The following TSPAN8 variants were observed in gnomAD, a reference collection of about 807,000 sequenced individuals.
TSPAN8 encodes the protein tetraspanin-8.
In TSPAN8, 21 loss-of-function variants were observed where a neutral mutation model predicts 32.8. The ratio of observed to expected loss-of-function variants is 0.64; its 90% CI spans 0.45 to 0.92. The LOEUF (loss-of-function observed/expected upper bound fraction) is 0.92, where lower values mean the gene tolerates loss of function less well. TSPAN8 is among the 40% of genes least tolerant of loss of function. The pLI, the probability that TSPAN8 is intolerant of heterozygous loss-of-function variation, is 0.00. For missense variants in TSPAN8, 269 were observed against 281.9 expected, an observed-to-expected ratio of 0.95 and a Z score of 0.33; for synonymous variants, 95 against 94.6, an observed-to-expected ratio of 1.00 and a Z score of -0.03.
At position 71,151,296 on chromosome 12, in the gene TSPAN8, C is replaced by G. The variant is rs950129740; in HGVS notation, c.60+6323G>C. Among the ~76,000 whole-genome samples, 4 of 152,142 alleles carry G rather than the reference C, an allele frequency of 2.6e-5. No homozygotes were observed. In the South Asian group the frequency reaches 8.3e-4, roughly 31 times the overall value. ...GCCGGGATGGTCTCGATCTCCTGAC[C>G]TTGTGATCCACCCACCTTGGCCTCC... is the stretch of plus-strand genomic sequence containing the variant. On this transcript the variant is annotated intron_variant, in intron 2 of 8. Transcript: ENST00000247829.
chr12:71,139,312 C>G (rs1379925416), intron 4 of TSPAN8: 1 of 453,750 alleles, frequency 2.2e-6, no homozygotes, highest in Non-Finnish European at 4.3e-6. Flanking sequence ...TCACTTCTGC[C>G]CTGGTTTGAA....
chr12:71,132,585 A>G (rs1871550313), intron 7 of TSPAN8, 108 bp downstream of exon 7: 2 of 1,300,432 alleles, frequency 1.5e-6, no homozygotes, highest in South Asian at 1.5e-5. Context: ...AGATTTTTAT[A>G]TCATGATTCC....
chr12:71,156,221 A>G (rs1872424412), intron 2 of TSPAN8, among the ~76,000 whole-genome samples: 1 of 140,360 alleles, frequency 7.1e-6, no homozygotes, highest in African/African-American at 2.7e-5. Context: ...TACCTATCCT[A>G]TCTTCTTTAG....
In TSPAN8 at chr12:71,125,355, A is replaced by T; in HGVS notation, c.693T>A (p.Tyr231Ter). 6.2e-7 allele frequency: 1 copy of T among 1,613,020 alleles called. No individual in the cohort carries two copies. Residue 231 changes from tyrosine to a stop codon, truncating the protein, a stop_gained, in exon 9 of 9, where the codon TAT becomes TAA. Transcript: ENST00000247829. LOFTEE classifies it high-confidence loss of function. ...AGATTCATTTGTTCCCGATCTGGCA[A>T]TACAGGACCATAGAAAACACCAAAC... is the stretch of plus-strand genomic sequence containing the variant. ...ILGLVFSMVL[Y>*]CQIGNK
chr12:71,150,824 G>A (rs922222949), intron 2 of TSPAN8, among the ~76,000 whole-genome samples: 2 of 152,088 alleles, frequency 1.3e-5, no homozygotes, highest in African/African-American at 2.4e-5. Context: ...GGTTTTATAA[G>A]GAGAAACCCC....
chr12:71,154,679 G>T (rs1318153712), intron 2 of TSPAN8, among the ~76,000 whole-genome samples: 1 of 152,110 alleles, frequency 6.6e-6, no homozygotes, highest in Non-Finnish European at 1.5e-5. Flanking sequence ...TAAAATAGGA[G>T]CCTTGCATTT....
chr12:71,137,384 AG>A (rs1372843471), intron 6 of TSPAN8, among the ~76,000 whole-genome samples: 14 of 152,164 alleles, frequency 9.2e-5, no homozygotes, highest in Non-Finnish European at 1.8e-4. Context: ...GGATCACCTG[AG>A]GTCAGGAGTT....
At chr12:71,142,873 TGA>T (rs1325149588) in intron 3 of TSPAN8, among the ~76,000 whole-genome samples, 14 of 141,122 alleles carry the variant, frequency 9.9e-5, no homozygotes, top group African/African-American at 3.6e-4. Flanking sequence ...AGAGATAGAG[TGA>T]GAAAGAAATT....
intron 2 of TSPAN8, among the ~76,000 whole-genome samples, chr12:71,144,477 A>G (rs1183246265): frequency 6.6e-6 from 1 of 152,184 alleles, no homozygotes; most frequent in Non-Finnish European, 1.5e-5. Flanking sequence ...TTAGGCCTGG[A>G]AAGATTATTT....
At chr12:71,155,833 G>A (rs1159078260) in intron 2 of TSPAN8, among the ~76,000 whole-genome samples, 1 of 151,904 alleles carries the variant, frequency 6.6e-6, no homozygotes, top group African/African-American at 2.4e-5. Flanking sequence ...CCAGGTTCAA[G>A]CAATTCTCCT....
Position 71,144,220 on chromosome 12 carries a change from A to G in TSPAN8, c.61-7T>C, listed in dbSNP as rs200891183. On this transcript the variant is annotated splice_region_variant and splice_polypyrimidine_tract_variant and intron_variant, in intron 2 of 8. Transcript: ENST00000247829. Reference sequence around the variant, plus strand: ...GGATCAAGATACCACATAGCTGCAGAAAAAAACAAACAAACAAAAAGAATA... The same window carrying G: ...GGATCAAGATACCACATAGCTGCAGGAAAAAACAAACAAACAAAAAGAATA... 5.6e-6 allele frequency: 9 copies of G among 1,609,122 alleles called. No homozygotes were observed. The East Asian group carries it at 1.1e-4, about 20-fold the overall frequency.
chr12:71,132,714 A>G lies in TSPAN8; in HGVS notation c.555T>C (p.Asn185=). 1.2e-6 allele frequency: 2 copies of G among 1,613,870 alleles called. No homozygotes were observed. Among genetic ancestry groups the G allele is most frequent in the Non-Finnish European group, 1.7e-6 (2 of 1,179,920 alleles). ...LDKQRPCQSY[N]GKQVYKETCI... ...TCACCTCTTTGTAAACTTGTTTTCC[A>G]TTATAGCTTTGGCATGGTCTCTGCT... Residue 185 remains asparagine (N), a synonymous_variant, in exon 7 of 9, where the codon AAT becomes AAC. Coordinates refer to ENST00000247829, the MANE Select transcript of TSPAN8 (RefSeq NM_004616.3).
Position 71,138,158 on chromosome 12 carries a change from T to C in TSPAN8, c.334A>G (p.Lys112Glu). ...TGILGAVFKS[K>E]SDRIVNETLY... ...TTTTCAAACATCTGTGCACACACCTTAGATTTGAAAACAGCTCCTAGGATA... is the reference window on the plus strand; with the variant it reads ...TTTTCAAACATCTGTGCACACACCTCAGATTTGAAAACAGCTCCTAGGATA... Residue 112 changes from lysine to glutamate, a missense_variant and splice_region_variant, in exon 5 of 9, where the codon AAG becomes GAG. Coordinates refer to ENST00000247829, the MANE Select transcript of TSPAN8 (RefSeq NM_004616.3). 1.2e-6 allele frequency: 2 copies of C among 1,613,942 alleles called. No homozygotes were observed. Among genetic ancestry groups the C allele is most frequent in the Non-Finnish European group, 1.7e-6 (2 of 1,179,914 alleles).
At chr12:71,132,922 T>C (rs1378170518) in intron 6 of TSPAN8, 98 bp from the exon 7 acceptor site, 1 of 1,396,990 alleles carries the variant, frequency 7.2e-7, no homozygotes, top group Non-Finnish European at 9.9e-7. Flanking sequence ...TATTAAAGGT[T>C]ATTATGCTAA....
chr12:71,144,242 A>T (rs1328066929), intron 2 of TSPAN8, 29 bp from the exon 3 acceptor site: 1 of 1,599,106 alleles, frequency 6.3e-7, no homozygotes, highest in Admixed American at 1.7e-5. Flanking sequence ...AAACAAAAAG[A>T]ATACAATTAG....
intron 6 of TSPAN8, among the ~76,000 whole-genome samples, chr12:71,136,330 T>C (rs1382599683): frequency 6.6e-6 from 1 of 152,244 alleles, no homozygotes; most frequent in Non-Finnish European, 1.5e-5. Flanking sequence ...CAGACTTGCA[T>C]ATAAGCAGGA....
intron 2 of TSPAN8, among the ~76,000 whole-genome samples, chr12:71,155,265 C>T (rs1022648391): frequency 6.6e-6 from 1 of 152,104 alleles, no homozygotes; most frequent in Non-Finnish European, 1.5e-5. Context: ...TGGATTTTGG[C>T]ACTTGACCAT....
intron 2 of TSPAN8, among the ~76,000 whole-genome samples, chr12:71,146,590 G>A (rs572518823): frequency 6.6e-6 from 1 of 152,158 alleles, no homozygotes; most frequent in South Asian, 2.1e-4. Flanking sequence ...CTCTACTTTC[G>A]TTAATAACAT....
intron 2 of TSPAN8, among the ~76,000 whole-genome samples, chr12:71,156,091 C>T (rs1467822576): frequency 6.6e-6 from 1 of 151,646 alleles, no homozygotes; most frequent in Non-Finnish European, 1.5e-5. Context: ...TGCTTACAGA[C>T]AAAATTATAT....
Sources: gnomAD v4.1 joint callset for allele counts (sites outside exome capture counted in the v4.1 genomes callset) on GRCh38, gnomAD v4.1.1 for gene constraint, MANE v1.5 for transcripts, NCBI Gene and HGNC (gene_info 2026-07-23, HGNC 2026-07-21) for gene names.